The following AGPAT5 variants were observed in gnomAD, a reference collection of about 807,000 sequenced individuals.
AGPAT5 encodes the protein 1-acylglycerol-3-phosphate O-acyltransferase 5.
AGPAT5 carries 46 observed loss-of-function variants against 45.6 expected under a neutral mutation model. The observed-to-expected ratio is 1.01, with a 90% CI of 0.80 to 1.29. The LOEUF is 1.29. Ranked by LOEUF, AGPAT5 falls within the 50% of genes most tolerant of loss-of-function variation. AGPAT5 has a pLI of 0.00. For missense variants in AGPAT5, 673 were observed against 450.7 expected (o/e 1.49, Z -4.47); for synonymous variants, 272 against 167.0 (o/e 1.63, Z -4.85).
chr8:6,732,174 G>GT (rs1800886888), intron 3 of AGPAT5, among the ~76,000 whole-genome samples: 1 of 59,158 alleles, frequency 1.7e-5, no homozygotes, highest in East Asian at 4.8e-4. Context: ...CCTAAAGATC[G>GT]TGAGACATGT....
chr8:6,729,085 A>G (rs546596076), intron 2 of AGPAT5, among the ~76,000 whole-genome samples: 1 of 152,374 alleles, frequency 6.6e-6, no homozygotes, highest in African/African-American at 2.4e-5. Flanking sequence ...GTCTTAAGTC[A>G]TCAAGAAAAA....
rs757706817 is a variant in AGPAT5 at position 6,747,843 on chromosome 8, G to A, written c.745+15G>A. On this transcript the variant is annotated intron_variant, in intron 6 of 7. Transcript: ENST00000285518. ...GACCATGACGGGTAAGTGTGTTCAC[G>A]CACCTGAAATGCCTGTACACGGTAT... 59 of 1,612,948 alleles carry A rather than the reference G, an allele frequency of 3.7e-5. No homozygotes were observed. Among genetic ancestry groups the A allele is most frequent in the East Asian group, 2.0e-4 (9 of 44,878 alleles).
chr8:6,725,299 T>G (rs1834452), intron 2 of AGPAT5, among the ~76,000 whole-genome samples: 1 of 152,120 alleles, frequency 6.6e-6, no homozygotes, highest in East Asian at 1.9e-4. Flanking sequence ...CATTTTTGAT[T>G]GCTAAGCTGC....
At chr8:6,741,475 A>T (rs1801243181) in intron 4 of AGPAT5, among the ~76,000 whole-genome samples, 186 bp from the exon 5 acceptor site, 1 of 152,132 alleles carries the variant, frequency 6.6e-6, no homozygotes, top group African/African-American at 2.4e-5. Flanking sequence ...AGTTCACGTT[A>T]TGTTCATATT....
chr8:6,757,412 G>A lies in AGPAT5; in HGVS notation c.*24G>A. 6.3e-7 allele frequency: 1 copy of A among 1,589,508 alleles called. No individual in the cohort carries two copies. Among genetic ancestry groups the A allele is most frequent in the Non-Finnish European group, 8.6e-7 (1 of 1,158,000 alleles). On this transcript the variant is annotated 3_prime_UTR_variant, in exon 8 of 8. Coordinates refer to ENST00000285518, the MANE Select transcript of AGPAT5 (RefSeq NM_018361.5). The stretch of plus-strand genomic sequence containing the variant: ...AGACAAGTAGCTGTCTCCAGACAGT[G>A]GGATGTGCTACATTGTCTATTTTTG...
chr8:6,713,020 T>A (rs920301235), intron 1 of AGPAT5, among the ~76,000 whole-genome samples: 2 of 152,280 alleles, frequency 1.3e-5, no homozygotes, highest in South Asian at 4.1e-4. Flanking sequence ...TGAGTCAGGG[T>A]CTTCTTCTGT....
At chr8:6,714,733 A>G (rs574489316) in intron 1 of AGPAT5, among the ~76,000 whole-genome samples, 2 of 152,354 alleles carry the variant, frequency 1.3e-5, no homozygotes, top group East Asian at 3.9e-4. Context: ...TTCTTTAGTT[A>G]AATGAACTTC....
chr8:6,752,790 A>C (rs1794709219), intron 6 of AGPAT5, among the ~76,000 whole-genome samples: 1 of 152,230 alleles, frequency 6.6e-6, no homozygotes, highest in African/African-American at 2.4e-5. Flanking sequence ...TAGTTTTTGC[A>C]AATGTGGATA....
At chr8:6,737,503 A>T (rs372520714) in intron 4 of AGPAT5, among the ~76,000 whole-genome samples, 1 of 152,216 alleles carries the variant, frequency 6.6e-6, no homozygotes. Context: ...CTCCATAATT[A>T]TTGCTGGGAC....
intron 1 of AGPAT5, among the ~76,000 whole-genome samples, chr8:6,712,573 T>C (rs1474687525): frequency 6.6e-6 from 1 of 152,150 alleles, no homozygotes; most frequent in African/African-American, 2.4e-5. Context: ...ATATATATCC[T>C]TGAGCTGGAG....
intron 1 of AGPAT5, among the ~76,000 whole-genome samples, chr8:6,711,045 A>G (rs2116842659): frequency 6.6e-6 from 1 of 152,240 alleles, no homozygotes; most frequent in African/African-American, 2.4e-5. Flanking sequence ...GTTTTTAAAT[A>G]AAAGGTTTAT....
intron 1 of AGPAT5, chr8:6,709,672 G>A (rs1244781988): frequency 6.6e-6 from 1 of 151,762 alleles, no homozygotes; most frequent in Admixed American, 6.6e-5. Flanking sequence ...TCTTGGTAGG[G>A]TTAGGGTGGC....
At chr8:6,728,297 A>C (rs1800754125) in intron 2 of AGPAT5, among the ~76,000 whole-genome samples, 1 of 152,268 alleles carries the variant, frequency 6.6e-6, no homozygotes, top group Non-Finnish European at 1.5e-5. Context: ...TCAAAGTAAT[A>C]TAATCTCAGC....
At chr8:6,712,382 A>C (rs1470274554) in intron 1 of AGPAT5, among the ~76,000 whole-genome samples, 3 of 152,116 alleles carry the variant, frequency 2.0e-5, no homozygotes, top group Non-Finnish European at 2.9e-5. Flanking sequence ...TTATATATAT[A>C]TATATATGGA....
chr8:6,749,973 G>A (rs527883139), intron 6 of AGPAT5, among the ~76,000 whole-genome samples: 2 of 152,246 alleles, frequency 1.3e-5, no homozygotes, highest in African/African-American at 4.8e-5. Flanking sequence ...GTGAAGCCTC[G>A]GCCGTGGTGA....
intron 6 of AGPAT5, among the ~76,000 whole-genome samples, chr8:6,749,813 A>G (rs1257507328): frequency 1.3e-5 from 2 of 152,200 alleles, no homozygotes; most frequent in African/African-American, 2.4e-5. Context: ...CCTTGTTTAA[A>G]TGCTGCTACT....
At chr8:6,726,238 G>A (rs1344889162) in intron 2 of AGPAT5, among the ~76,000 whole-genome samples, 1 of 152,222 alleles carries the variant, frequency 6.6e-6, no homozygotes, top group Admixed American at 6.5e-5. Flanking sequence ...CTGTCCTGCT[G>A]CTGATGGATG....
rs539934858 is a variant in AGPAT5 at position 6,758,161 on chromosome 8, G to C, written c.*773G>C. On this transcript the variant is annotated 3_prime_UTR_variant, in exon 8 of 8. Coordinates refer to ENST00000285518, the MANE Select transcript of AGPAT5 (RefSeq NM_018361.5). ...AGCTACACTATTAGTACTTCCCTTT[G>C]TCTGTGCCATAAGTGCTTGAAAACG... 1.7e-4 allele frequency: 26 copies of C among 152,426 alleles called. No homozygotes were observed. Among genetic ancestry groups the C allele is most frequent in the African/African-American group, 5.8e-4 (24 of 41,518 alleles). 9.4% of individuals were successfully genotyped at this position (152,426 alleles called of 1,614,324 possible). A position where few individuals can be genotyped will look rare whatever the true frequency, so the allele number is the denominator to read the frequency against.
chr8:6,755,071 C>G lies in AGPAT5; in HGVS notation c.766C>G (p.Pro256Ala). Reference sequence around the variant, plus strand: ...GTTAGAATTTCTCTGCAAAGAATGTCCAAAAATTCATATTCACATTGATCG... The same window carrying G: ...GTTAGAATTTCTCTGCAAAGAATGTGCAAAAATTCATATTCACATTGATCG... ...TMTEFLCKECPKIHIHIDRID... is the reference protein window; with the variant it reads ...TMTEFLCKECAKIHIHIDRID... Residue 256 changes from proline to alanine, a missense_variant, in exon 7 of 8, where the codon CCA becomes GCA. Pro to Ala is a conservative substitution (Grantham distance 27, BLOSUM62 -1). Coordinates refer to ENST00000285518, the MANE Select transcript of AGPAT5 (RefSeq NM_018361.5). 1 of 1,591,986 alleles carries G rather than the reference C, an allele frequency of 6.3e-7. No individual in the cohort carries two copies. Among genetic ancestry groups the G allele is most frequent in the Middle Eastern group, 1.7e-4 (1 of 6,016 alleles).
Sources: allele counts gnomAD v4.1 joint callset (sites outside exome capture counted in the v4.1 genomes callset), GRCh38; gene constraint gnomAD v4.1.1; transcripts MANE v1.5; gene names NCBI Gene and HGNC (gene_info 2026-07-23, HGNC 2026-07-21).